Variants in YEATS2 observed in about 807,000 individuals in gnomAD.
The protein encoded by YEATS2 is YEATS domain containing 2.
In YEATS2, 77 loss-of-function variants were observed where a neutral mutation model predicts 163.2. The observed-to-expected ratio is 0.47, with a 90% CI of 0.39 to 0.57. The LOEUF (loss-of-function observed/expected upper bound fraction) is 0.57. Among genes scored for constraint, YEATS2 ranks in the 20% least tolerant of loss-of-function variants. The pLI is 0.00. For missense variants in YEATS2, 1,549 were observed against 1,729.8 expected (o/e 0.90, Z 1.85); for synonymous variants, 631 against 645.1 (o/e 0.98, Z 0.33).
Position 183,804,092 on chromosome 3 carries a change from T to C in YEATS2, c.3688T>C (p.Cys1230Arg). The change falls in exon 27 of 31, where the codon TGC (cysteine) becomes CGC (arginine). Residue 1230 changes from cysteine to arginine, a missense_variant. Transcript: ENST00000305135. ...PLKTKHIAHW[C>R]RCHGYTPPDP... ...CAAAACCAAGCACATCGCTCACTGG[T>C]GCCGCTGTCATGGCTACACCCCACC... 6.2e-7 allele frequency: 1 copy of C among 1,614,082 alleles called. No individual in the cohort carries two copies. The highest frequency in any genetic ancestry group is 8.5e-7 in the Non-Finnish European group (1 of 1,180,000).
chr3:183,757,465 A>G (rs886160497), intron 12 of YEATS2, among the ~76,000 whole-genome samples: 3 of 151,916 alleles, frequency 2.0e-5, no homozygotes, highest in Admixed American at 6.6e-5. Context: ...TAATTTTTGT[A>G]TTTTTAGTAG....
rs144607388 is a variant in YEATS2 at position 183,777,471 on chromosome 3, T to G, written c.2578-71T>G. On this transcript the variant is annotated intron_variant, in intron 18 of 30. Transcript: ENST00000305135. ...GTAACATGGGACGTTACATGTGATT[T>G]AAGGGATCAGAACAGCCCATCTGAA... 1.4e-3 allele frequency: 2,051 copies of G among 1,510,382 alleles called. 3 individuals carry two copies. Among genetic ancestry groups the G allele is most frequent in the Non-Finnish European group, 1.7e-3 (1,846 of 1,112,164 alleles). 93.6% of individuals were successfully genotyped at this position (1,510,382 alleles called of 1,614,324 possible).
chr3:183,756,430 T>G, intron 11 of YEATS2, 98 bp from the exon 12 acceptor site: 1 of 1,186,890 alleles, frequency 8.4e-7, no homozygotes. Flanking sequence ...TTGTTACCTT[T>G]GTCCTGGTGG....
intron 16 of YEATS2, 132 bp from the exon 17 acceptor site, chr3:183,773,501 T>G (rs1047046799): frequency 7.0e-6 from 6 of 855,380 alleles, no homozygotes; most frequent in Non-Finnish European, 1.1e-5. Context: ...GCATTGTGCA[T>G]CTGGGAAACA....
intron 8 of YEATS2, among the ~76,000 whole-genome samples, chr3:183,738,391 C>CTTTTTTTTTTTTTTTTTTT (rs1173865612): frequency 1.4e-5 from 1 of 74,048 alleles, no homozygotes; most frequent in Non-Finnish European, 2.9e-5. Flanking sequence ...AGGAAAAGTT[C>CTTTTTTTTTTTTTTTTTTT]TTTTTTTTTT....
chr3:183,698,375 C>T (rs1713708083), intron 1 of YEATS2, among the ~76,000 whole-genome samples: 2 of 152,270 alleles, frequency 1.3e-5, no homozygotes, highest in Admixed American at 1.3e-4. Flanking sequence ...CTGGAATGCC[C>T]CTCCAACCTG....
intron 21 of YEATS2, among the ~76,000 whole-genome samples, chr3:183,794,758 A>G (rs1261752029): frequency 6.6e-6 from 1 of 152,196 alleles, no homozygotes; most frequent in African/African-American, 2.4e-5. Flanking sequence ...GAACATCTGT[A>G]TAGGGAAGAA....
intron 19 of YEATS2, among the ~76,000 whole-genome samples, chr3:183,778,623 T>C (rs541044450): frequency 1.5e-3 from 223 of 152,306 alleles, no homozygotes; most frequent in Non-Finnish European, 2.5e-3. Flanking sequence ...CCGAAAGTGC[T>C]GGGATTACAG....
chr3:183,751,386 C>G (rs917326281), intron 9 of YEATS2, among the ~76,000 whole-genome samples: 1 of 152,182 alleles, frequency 6.6e-6, no homozygotes, highest in African/African-American at 2.4e-5. Context: ...TGTTCTTCAC[C>G]TTCTCTCCCT....
At position 183,806,860 on chromosome 3, in the gene YEATS2, A is replaced by G. The variant is rs1319601933; in HGVS notation, c.3785-6A>G. On this transcript the variant is annotated splice_polypyrimidine_tract_variant and splice_region_variant and intron_variant, in intron 27 of 30. Coordinates refer to ENST00000305135, the MANE Select transcript of YEATS2 (RefSeq NM_018023.5). ...GCTGTTGTAACACTGCTTGCCTGTC[A>G]TTTAGAGTGCCCATCATCATTCTCC... 8 of 1,613,934 alleles carry G rather than the reference A, an allele frequency of 5.0e-6. No individual in the cohort carries two copies. The highest frequency in any genetic ancestry group is 5.1e-6 in the Non-Finnish European group (6 of 1,179,870).
At chr3:183,702,705 T>C (rs1213238333) in intron 1 of YEATS2, among the ~76,000 whole-genome samples, 1 of 151,256 alleles carries the variant, frequency 6.6e-6, no homozygotes, top group Non-Finnish European at 1.5e-5. Flanking sequence ...CGTGGTGGTG[T>C]GCGCCTGTAG....
Position 183,776,012 on chromosome 3 carries a change from C to T in YEATS2, c.2466C>T (p.Ser822=). 1 of 1,609,140 alleles carries T rather than the reference C, an allele frequency of 6.2e-7. No individual in the cohort carries two copies. Among genetic ancestry groups the T allele is most frequent in the Non-Finnish European group, 8.5e-7 (1 of 1,177,128 alleles). Residue 822 remains serine, a synonymous_variant, in exon 18 of 31, where the codon AGC becomes AGT. Coordinates refer to ENST00000305135, the MANE Select transcript of YEATS2 (RefSeq NM_018023.5). ...GCAGTGGCAGCGGTGGAGGCGGCAG[C>T]ACAGGAGGAGGAGGAGGAACAGCAG... ...GGGSGSGGGG[S]TGGGGGTAGG...
At chr3:183,784,805 G>A (rs1195527033) in intron 19 of YEATS2, among the ~76,000 whole-genome samples, 1 of 151,528 alleles carries the variant, frequency 6.6e-6, no homozygotes, top group Non-Finnish European at 1.5e-5. Context: ...CGGGTGTGGT[G>A]GGTCACGCCT....
chr3:183,751,855 T>C lies in YEATS2; in HGVS notation c.970-218T>C, dbSNP rs1479937744. 2.6e-5 allele frequency among the ~76,000 whole-genome samples: 4 copies of C among 152,242 alleles called. No homozygotes were observed. In the East Asian group the frequency reaches 7.7e-4, roughly 29 times the overall value. On this transcript the variant is annotated intron_variant, in intron 9 of 30. Coordinates refer to ENST00000305135, the MANE Select transcript of YEATS2 (RefSeq NM_018023.5). ...GTGAATAATTTCACTGAGATTTGTATGTTAAACCAGATTAGATTTTCACTG... is the reference window on the plus strand; with the variant it reads ...GTGAATAATTTCACTGAGATTTGTACGTTAAACCAGATTAGATTTTCACTG...
intron 1 of YEATS2, among the ~76,000 whole-genome samples, chr3:183,703,489 A>C (rs1231384464): frequency 1.3e-5 from 2 of 152,128 alleles, no homozygotes; most frequent in African/African-American, 4.8e-5. Context: ...TTACTTTTGC[A>C]CCAACCTAAT....
chr3:183,787,539 AGTTG>A (rs1403580871), intron 20 of YEATS2, among the ~76,000 whole-genome samples: 2 of 151,750 alleles, frequency 1.3e-5, no homozygotes, highest in African/African-American at 4.8e-5. Context: ...CCCATTTTTT[AGTTG>A]GTTGTCTTTT....
Position 183,803,340 on chromosome 3 carries a change from C to G in YEATS2, c.3582+5C>G. ...GGAAAAAGGAGAGCCGCTGAGGTAACCCACATCTGCCTGTCCACTCTGGCT... is the reference window on the plus strand; with the variant it reads ...GGAAAAAGGAGAGCCGCTGAGGTAAGCCACATCTGCCTGTCCACTCTGGCT... On this transcript the variant is annotated splice_donor_5th_base_variant and intron_variant, in intron 26 of 30. Coordinates refer to ENST00000305135, the MANE Select transcript of YEATS2 (RefSeq NM_018023.5). The G allele has an allele frequency of 6.2e-7, 1 of 1,608,680 alleles. No homozygotes were observed. The highest frequency in any genetic ancestry group is 1.1e-5 in the South Asian group (1 of 89,942).
At chr3:183,778,536 A>G (rs950898059) in intron 19 of YEATS2, among the ~76,000 whole-genome samples, 2 of 152,050 alleles carry the variant, frequency 1.3e-5, no homozygotes, top group African/African-American at 4.8e-5. Flanking sequence ...TTGTGTTTTT[A>G]GTAGAGATGG....
chr3:183,752,864 C>A (rs1228847350), intron 10 of YEATS2, among the ~76,000 whole-genome samples: 1 of 151,546 alleles, frequency 6.6e-6, no homozygotes, highest in Admixed American at 6.6e-5. Context: ...GTGGCATGAT[C>A]TCGCCTCACT....
Sources: gnomAD v4.1 joint callset for allele counts (sites outside exome capture counted in the v4.1 genomes callset) on GRCh38, gnomAD v4.1.1 for gene constraint, MANE v1.5 for transcripts, NCBI Gene and HGNC (gene_info 2026-07-23, HGNC 2026-07-21) for gene names.